INPP4B: variants seen among roughly 807,000 people sequenced by gnomAD.
The protein encoded by INPP4B is inositol polyphosphate 4-phosphatase type II.
A neutral mutation model predicts 122.5 loss-of-function variants in INPP4B; 55 were observed. The ratio of observed to expected loss-of-function variants is 0.45; its 90% CI spans 0.36 to 0.56. INPP4B has a LOEUF of 0.56. INPP4B is among the 20% of genes least tolerant of loss of function. The pLI is 0.00. For synonymous variants in INPP4B, 403 were observed against 388.7 expected, an observed-to-expected ratio of 1.04 and a Z score of -0.43; for missense variants, 1,000 against 1,097.7, an observed-to-expected ratio of 0.91 and a Z score of 1.26.
chr4:142,504,459 A>T (rs1350528881), intron 2 of INPP4B, among the ~76,000 whole-genome samples: 1 of 152,198 alleles, frequency 6.6e-6, no homozygotes, highest in African/African-American at 2.4e-5. Context: ...CATCTGTTAG[A>T]ATTATAAATA....
At chr4:142,114,375 T>C (rs1269016220) in intron 21 of INPP4B, among the ~76,000 whole-genome samples, 2 of 152,076 alleles carry the variant, frequency 1.3e-5, no homozygotes, top group Non-Finnish European at 2.9e-5. Context: ...ACTGCCAAAC[T>C]GTTTTCAAAG....
At position 142,697,859 on chromosome 4, in the gene INPP4B, G is replaced by A. The variant is rs78127570; in HGVS notation, c.-191+27980C>T. On this transcript the variant is annotated intron_variant, in intron 2 of 25. Transcript: ENST00000262992. ...CCATGACTTACTTAAATCACATTTTGTTCCTGTATTCATATGTAAATAACA... is the reference window on the plus strand; with the variant it reads ...CCATGACTTACTTAAATCACATTTTATTCCTGTATTCATATGTAAATAACA... 8.9e-3 allele frequency among the ~76,000 whole-genome samples: 1,350 copies of A among 152,174 alleles called. 27 individuals are homozygous for A. The highest frequency in any genetic ancestry group is 0.031 in the African/African-American group (1,285 of 41,514).
chr4:142,465,488 T>G (rs1424551911), intron 2 of INPP4B, among the ~76,000 whole-genome samples: 1 of 152,212 alleles, frequency 6.6e-6, no homozygotes, highest in African/African-American at 2.4e-5. Context: ...CTATGCTAAC[T>G]TCTGGGTGTT....
intron 14 of INPP4B, among the ~76,000 whole-genome samples, chr4:142,194,526 G>A (rs1330934447): frequency 1.3e-5 from 2 of 152,136 alleles, no homozygotes; most frequent in Non-Finnish European, 1.5e-5. Context: ...CCAACATTAT[G>A]TTCTAGTCTA....
chr4:142,312,927 C>T (rs1041120647), intron 8 of INPP4B, among the ~76,000 whole-genome samples: 1 of 152,096 alleles, frequency 6.6e-6, no homozygotes, highest in African/African-American at 2.4e-5. Flanking sequence ...AAAACCTTGC[C>T]CTCACCAGGG....
intron 7 of INPP4B, among the ~76,000 whole-genome samples, chr4:142,374,972 G>A (rs1791298814): frequency 6.6e-6 from 1 of 151,736 alleles, no homozygotes; most frequent in Admixed American, 6.6e-5. Flanking sequence ...CTCCGTTCTG[G>A]AACCCTCACT....
chr4:142,325,719 GT>G (rs950517030), intron 7 of INPP4B, among the ~76,000 whole-genome samples: 13 of 152,178 alleles, frequency 8.5e-5, no homozygotes, highest in African/African-American at 2.4e-4. Context: ...GTCTCTTTAT[GT>G]TTAATTGGTG....
chr4:142,545,734 C>CATGT (rs1553955930), intron 2 of INPP4B, among the ~76,000 whole-genome samples: 1 of 111,386 alleles, frequency 9.0e-6, no homozygotes, highest in Non-Finnish European at 1.9e-5. Flanking sequence ...TGTATATACA[C>CATGT]ATATATGTGT....
At chr4:142,093,282 T>A (rs183848692) in intron 23 of INPP4B, among the ~76,000 whole-genome samples, 14 of 152,262 alleles carry the variant, frequency 9.2e-5, no homozygotes, top group Non-Finnish European at 1.8e-4. Context: ...CCCCAGGTAT[T>A]CTTCCTTTCA....
intron 3 of INPP4B, among the ~76,000 whole-genome samples, chr4:142,455,843 A>AT (rs1166013960): frequency 6.6e-6 from 1 of 151,988 alleles, no homozygotes. Flanking sequence ...GATAAAAAGC[A>AT]TTTAACTGGG....
chr4:142,030,034 G>A, intron 25 of INPP4B: 3 of 1,377,336 alleles, frequency 2.2e-6, no homozygotes, highest in South Asian at 3.7e-5. Flanking sequence ...TTTAAATTCT[G>A]TGAATTTGAA....
At chr4:142,613,446 C>T (rs1486925670) in intron 2 of INPP4B, among the ~76,000 whole-genome samples, 1 of 152,144 alleles carries the variant, frequency 6.6e-6, no homozygotes, top group Non-Finnish European at 1.5e-5. Flanking sequence ...CCAAGGTCAT[C>T]TATATCTGGA....
intron 11 of INPP4B, among the ~76,000 whole-genome samples, chr4:142,238,250 C>T (rs568452150): frequency 6.6e-6 from 1 of 151,782 alleles, no homozygotes; most frequent in South Asian, 2.1e-4. Flanking sequence ...GCTTCTGAGA[C>T]ATATAATCTT....
intron 11 of INPP4B, among the ~76,000 whole-genome samples, chr4:142,257,267 C>T (rs1402367814): frequency 1.3e-5 from 2 of 152,180 alleles, no homozygotes; most frequent in Non-Finnish European, 1.5e-5. Flanking sequence ...TGGGCAAAAA[C>T]TGGATGCATT....
At chr4:142,744,053 G>C (rs1768292660) in intron 1 of INPP4B, among the ~76,000 whole-genome samples, 1 of 151,860 alleles carries the variant, frequency 6.6e-6, no homozygotes, top group Non-Finnish European at 1.5e-5. Flanking sequence ...CAAAGAAAAT[G>C]TGTTCATAGA....
At chr4:142,588,086 G>GA (rs1736629856) in intron 2 of INPP4B, among the ~76,000 whole-genome samples, 1 of 151,778 alleles carries the variant, frequency 6.6e-6, no homozygotes, top group African/African-American at 2.4e-5. Flanking sequence ...ATCAAATACA[G>GA]AAAAAGCATT....
At chr4:142,393,800 T>A (rs1798481894) in intron 7 of INPP4B, among the ~76,000 whole-genome samples, 1 of 152,220 alleles carries the variant, frequency 6.6e-6, no homozygotes, top group African/African-American at 2.4e-5. Context: ...CTGTAACCAA[T>A]CCAGTTGTTC....
chr4:142,134,842 C>T (rs996032530), intron 18 of INPP4B, among the ~76,000 whole-genome samples: 1 of 139,760 alleles, frequency 7.2e-6, no homozygotes, highest in Non-Finnish European at 1.6e-5. Context: ...AGCTGGAGAA[C>T]TATTAACTTT....
intron 7 of INPP4B, among the ~76,000 whole-genome samples, chr4:142,368,308 TA>T (rs950444236): frequency 6.6e-6 from 1 of 152,074 alleles, no homozygotes; most frequent in Non-Finnish European, 1.5e-5. Context: ...TGTATTTTTT[TA>T]AAAAAATAGT....
Sources: gnomAD v4.1 joint callset for allele counts (sites outside exome capture counted in the v4.1 genomes callset) on GRCh38, gnomAD v4.1.1 for gene constraint, MANE v1.5 for transcripts, NCBI Gene and HGNC (gene_info 2026-07-23, HGNC 2026-07-21) for gene names.